MTA3: variants seen among roughly 807,000 people sequenced by gnomAD.
MTA3 encodes metastasis-associated protein MTA3.
MTA3 carries 34 observed loss-of-function variants against 83.5 expected under a neutral mutation model. The observed-to-expected ratio is 0.41, with a 90% confidence interval of 0.31 to 0.54. The LOEUF (loss-of-function observed/expected upper bound fraction) is 0.54, where lower values mean the gene tolerates loss of function less well. Ranked by LOEUF, MTA3 falls within the 20% of genes least tolerant of loss-of-function variation. The pLI is 0.33. For synonymous variants in MTA3, 303 were observed against 252.7 expected (o/e 1.20, Z -1.89); for missense variants, 761 against 726.4 (o/e 1.05, Z -0.55).
chr2:42,690,536 GT>G (rs1171908838), intron 9 of MTA3, among the ~76,000 whole-genome samples: 1 of 150,958 alleles, frequency 6.6e-6, no homozygotes, highest in Non-Finnish European at 1.5e-5. Context: ...TCCTAGAGCT[GT>G]TTTTTTGTTT....
At chr2:42,580,434 C>A in intron 3 of MTA3, among the ~76,000 whole-genome samples, 2 of 151,820 alleles carry the variant, frequency 1.3e-5, no homozygotes. Context: ...TGCAGTGGTG[C>A]CATCTTGGCT....
At position 42,538,211 on chromosome 2, in the gene MTA3, C is replaced by T. The variant is rs533029527; in HGVS notation, c.-140-32226C>T. ...TCACGCCACTGGACTCCAGCCTGGG[C>T]GACACAGCGAGACTCTGTCTCGAAA... On this transcript the variant is annotated intron_variant, in intron 2 of 17. Transcript: ENST00000405592. 9.0e-4 allele frequency among the ~76,000 whole-genome samples: 136 copies of T among 151,810 alleles called. 1 individual carries two copies. Among genetic ancestry groups the T allele is most frequent in the African/African-American group, 3.1e-3 (127 of 41,368 alleles).
chr2:42,554,209 G>C (rs899844766), intron 2 of MTA3, among the ~76,000 whole-genome samples: 1 of 152,144 alleles, frequency 6.6e-6, no homozygotes, highest in South Asian at 2.1e-4. Flanking sequence ...ACTCCAGCCT[G>C]GGCGACAGAG....
At chr2:42,666,862 A>G (rs1558561435) in intron 8 of MTA3, among the ~76,000 whole-genome samples, 1 of 152,164 alleles carries the variant, frequency 6.6e-6, no homozygotes, top group Non-Finnish European at 1.5e-5. Flanking sequence ...TCTCTGGGAC[A>G]TAGGTTCTTA....
chr2:42,607,187 G>C (rs533214159), intron 3 of MTA3, among the ~76,000 whole-genome samples: 2 of 152,238 alleles, frequency 1.3e-5, no homozygotes, highest in African/African-American at 4.8e-5. Context: ...AAATAGGGTG[G>C]ATACAAAGAT....
At chr2:42,674,303 C>T (rs1051858914) in intron 8 of MTA3, among the ~76,000 whole-genome samples, 1 of 152,156 alleles carries the variant, frequency 6.6e-6, no homozygotes, top group Non-Finnish European at 1.5e-5. Context: ...TCCAATCTAC[C>T]CATAGTGTGG....
chr2:42,752,371 C>G (rs1215078071), intron 16 of MTA3: 2 of 433,560 alleles, frequency 4.6e-6, no homozygotes, highest in African/African-American at 4.1e-5. Context: ...AATATCTGAG[C>G]ATCTTATCCC....
At chr2:42,704,157 A>T in intron 11 of MTA3, 37 bp from the exon 12 acceptor site, 1 of 1,602,888 alleles carries the variant, frequency 6.2e-7, no homozygotes, top group Non-Finnish European at 8.5e-7. Context: ...CTTATTGTAC[A>T]AATCATTTTA....
Position 42,722,937 on chromosome 2 carries a change from T to C in MTA3, c.1661T>C (p.Leu554Pro). The C allele has an allele frequency of 6.4e-7, 1 of 1,551,210 alleles. No individual in the cohort carries two copies. The highest frequency in any genetic ancestry group is 8.7e-7 in the Non-Finnish European group (1 of 1,147,126). The stretch of plus-strand genomic sequence containing the variant: ...AATGTAATTCGATCTACACCAAGCC[T>C]GCAAACCCCAACTACCAAGCGGATG... ...KPNVIRSTPS[L>P]QTPTTKRMLT... Residue 554 changes from leucine (L) to proline (P), a missense_variant, in exon 16 of 17, where the codon CTG (leucine) becomes CCG (proline). Transcript: ENST00000405094.
At chr2:42,727,604 G>A (rs568712171) in intron 16 of MTA3, among the ~76,000 whole-genome samples, 4 of 151,756 alleles carry the variant, frequency 2.6e-5, no homozygotes, top group Non-Finnish European at 5.9e-5. Flanking sequence ...TCTGTGCCAT[G>A]GGGGGAAAAA....
chr2:42,576,161 A>G (rs1270359190), intron 2 of MTA3, among the ~76,000 whole-genome samples: 1 of 152,234 alleles, frequency 6.6e-6, no homozygotes, highest in Non-Finnish European at 1.5e-5. Context: ...GTCTCTACCC[A>G]TACAGGGTCC....
At chr2:42,743,029 C>T (rs887290776) in intron 16 of MTA3, among the ~76,000 whole-genome samples, 1 of 152,236 alleles carries the variant, frequency 6.6e-6, no homozygotes, top group Middle Eastern at 3.4e-3. Context: ...CACTTAGCTC[C>T]CTGTGGGCTC....
At chr2:42,709,385 A>G (rs1035221482) in intron 14 of MTA3, 4 of 1,055,614 alleles carry the variant, frequency 3.8e-6, no homozygotes, top group Non-Finnish European at 3.7e-6. Flanking sequence ...TTGTGATGGA[A>G]TTGCCTGCAG....
intron 2 of MTA3, among the ~76,000 whole-genome samples, chr2:42,501,220 A>T (rs184343134): frequency 3.4e-4 from 52 of 152,308 alleles, no homozygotes; most frequent in Admixed American, 3.1e-3. Context: ...ACATGTCAGG[A>T]AACTAACAGA....
chr2:42,730,548 C>G (rs1384746432), intron 16 of MTA3, among the ~76,000 whole-genome samples: 1 of 152,156 alleles, frequency 6.6e-6, no homozygotes, highest in Admixed American at 6.5e-5. Flanking sequence ...GCTTGCATTC[C>G]TGGGATAAAT....
At chr2:42,610,421 A>G (rs1684047947) in intron 4 of MTA3, among the ~76,000 whole-genome samples, 1 of 152,334 alleles carries the variant, frequency 6.6e-6, no homozygotes, top group East Asian at 1.9e-4. Flanking sequence ...ACAAATGTGC[A>G]GAAAAAAGGT....
At chr2:42,606,458 G>A (rs1413584880) in intron 3 of MTA3, among the ~76,000 whole-genome samples, 1 of 150,148 alleles carries the variant, frequency 6.7e-6, no homozygotes, top group African/African-American at 2.5e-5. Context: ...CATCTCAGAC[G>A]ATCTCCTCAC....
chr2:42,603,107 CTTT>C (rs11352685), intron 3 of MTA3, among the ~76,000 whole-genome samples: 61 of 128,218 alleles, frequency 4.8e-4, no homozygotes, highest in Admixed American at 6.4e-4. Context: ...AATAAATTTA[CTTT>C]TTTTTTTTTT....
At chr2:42,682,351 A>C in intron 8 of MTA3, 50 bp from the exon 9 acceptor site, 1 of 1,353,898 alleles carries the variant, frequency 7.4e-7, no homozygotes, top group Non-Finnish European at 1.0e-6. Context: ...TACATAATGT[A>C]GCATGTTTGC....
Sources: gnomAD v4.1 joint callset for allele counts (sites outside exome capture counted in the v4.1 genomes callset) on GRCh38, gnomAD v4.1.1 for gene constraint, MANE v1.5 for transcripts, NCBI Gene and HGNC (gene_info 2026-07-23, HGNC 2026-07-21) for gene names.